PHKB: variants seen among roughly 807,000 people sequenced by gnomAD.
PHKB encodes phosphorylase kinase regulatory subunit beta, also known as phosphorylase b kinase regulatory subunit beta.
PHKB carries 122 observed loss-of-function variants against 152.1 expected under a neutral mutation model. That is an observed-to-expected ratio of 0.80 (90% CI 0.69 to 0.93). The LOEUF is 0.93. PHKB is among the 40% of genes least tolerant of loss of function. The pLI, the probability that PHKB is intolerant of heterozygous loss-of-function variation, is 0.00. For synonymous variants in PHKB, 436 were observed against 464.9 expected (o/e 0.94, Z 0.80); for missense variants, 1,304 against 1,328.4 (o/e 0.98, Z 0.29).
chr16:47,580,539 G>A (rs1971825148), intron 8 of PHKB, among the ~76,000 whole-genome samples, 181 bp downstream of exon 8: 1 of 138,164 alleles, frequency 7.2e-6, no homozygotes. Flanking sequence ...TCTAACTAAA[G>A]ACCATTGCTT....
In PHKB at chr16:47,677,138, T is replaced by C. The variant is rs141890017; in HGVS notation, c.2630+7721T>C. 8.9e-4 allele frequency among the ~76,000 whole-genome samples: 136 copies of C among 152,324 alleles called. 1 individual carries two copies. The highest frequency in any genetic ancestry group is 1.5e-3 in the Non-Finnish European group (100 of 68,020). On this transcript the variant is annotated intron_variant, in intron 26 of 30. Transcript: ENST00000323584. The stretch of plus-strand genomic sequence containing the variant: ...AGCACCAAGTTCATTAGCACGGTTC[T>C]GATACTCATTCTGAGGTCTTTGCTT...
chr16:47,473,220 T>TTTTTTC, intron 1 of PHKB, among the ~76,000 whole-genome samples: 3 of 92,378 alleles, frequency 3.2e-5, no homozygotes, highest in African/African-American at 1.3e-4. Context: ...CCTGGCTAAT[T>TTTTTTC]TTTTTTTTTT....
At chr16:47,646,544 A>C (rs1973128177) in intron 16 of PHKB, among the ~76,000 whole-genome samples, 1 of 144,538 alleles carries the variant, frequency 6.9e-6, no homozygotes, top group East Asian at 2.0e-4. Flanking sequence ...AAAAAAAAAA[A>C]CATTAAAAAT....
At chr16:47,642,611 C>T (rs1973044506) in intron 16 of PHKB, among the ~76,000 whole-genome samples, 1 of 152,132 alleles carries the variant, frequency 6.6e-6, no homozygotes, top group Admixed American at 6.5e-5. Flanking sequence ...TAGTCAAAGT[C>T]TTGTTGCTAT....
intron 7 of PHKB, among the ~76,000 whole-genome samples, chr16:47,579,579 CTG>C (rs1971807790): frequency 6.6e-6 from 1 of 151,996 alleles, no homozygotes; most frequent in Non-Finnish European, 1.5e-5. Flanking sequence ...AATAATTAAA[CTG>C]AGTATTAGAT....
At chr16:47,512,290 T>A (rs1386753950) in intron 5 of PHKB, among the ~76,000 whole-genome samples, 1 of 152,202 alleles carries the variant, frequency 6.6e-6, no homozygotes, top group East Asian at 1.9e-4. Flanking sequence ...CTGAGTTAGT[T>A]GTGGCAATTG....
intron 13 of PHKB, among the ~76,000 whole-genome samples, chr16:47,606,162 A>G (rs1472067580): frequency 6.6e-6 from 1 of 152,224 alleles, no homozygotes; most frequent in Non-Finnish European, 1.5e-5. Flanking sequence ...TGTTAATACT[A>G]CTTTAATTAT....
intron 13 of PHKB, chr16:47,597,991 A>C (rs1001398542): frequency 5.3e-5 from 8 of 152,142 alleles, no homozygotes; most frequent in African/African-American, 1.9e-4. Context: ...AAGGTTTTCA[A>C]ATATAATATA....
At chr16:47,611,669 A>AACAC (rs764761481) in intron 14 of PHKB, among the ~76,000 whole-genome samples, 5 of 150,480 alleles carry the variant, frequency 3.3e-5, no homozygotes, top group South Asian at 2.1e-4. Flanking sequence ...TATACACACA[A>AACAC]ACACACACAC....
At chr16:47,497,925 G>A (rs954244184) in intron 2 of PHKB, among the ~76,000 whole-genome samples, 3 of 152,084 alleles carry the variant, frequency 2.0e-5, no homozygotes, top group African/African-American at 4.8e-5. Context: ...ATATCAGGGC[G>A]CTTGTGTTTT....
chr16:47,592,104 G>A (rs1267001205), intron 10 of PHKB, among the ~76,000 whole-genome samples: 2 of 152,122 alleles, frequency 1.3e-5, no homozygotes, highest in Non-Finnish European at 2.9e-5. Flanking sequence ...GAATTATTTG[G>A]CCACAATGTC....
chr16:47,566,186 A>G (rs1567308627), intron 7 of PHKB: 21 of 704,686 alleles, frequency 3.0e-5, no homozygotes, highest in South Asian at 2.1e-4. Context: ...GGCCATCCCA[A>G]TACTCATCAC....
chr16:47,686,105 T>C (rs1973961090), intron 26 of PHKB, among the ~76,000 whole-genome samples: 1 of 152,222 alleles, frequency 6.6e-6, no homozygotes, highest in Non-Finnish European at 1.5e-5. Context: ...AAAAACCTGC[T>C]TCCTTTCATG....
chr16:47,464,829 C>T (rs965290626), intron 1 of PHKB, among the ~76,000 whole-genome samples: 4 of 152,122 alleles, frequency 2.6e-5, no homozygotes, highest in African/African-American at 9.7e-5. Flanking sequence ...CTAGAAAACT[C>T]GGAGAAGCCT....
At chr16:47,688,470 A>G (rs1974003208) in intron 26 of PHKB, among the ~76,000 whole-genome samples, 1 of 152,238 alleles carries the variant, frequency 6.6e-6, no homozygotes, top group Non-Finnish European at 1.5e-5. Context: ...TACATCTTTA[A>G]TGTACAACTA....
intron 10 of PHKB, among the ~76,000 whole-genome samples, chr16:47,591,415 G>A (rs964934513): frequency 1.3e-5 from 2 of 152,070 alleles, no homozygotes; most frequent in East Asian, 3.9e-4. Context: ...TTACTGAGTC[G>A]GAGTGGATGC....
chr16:47,559,453 A>C (rs1425574684), intron 7 of PHKB, among the ~76,000 whole-genome samples: 8 of 152,182 alleles, frequency 5.3e-5, no homozygotes, highest in Non-Finnish European at 1.2e-4. Context: ...ATTATTATTT[A>C]TTATTAAGAT....
At chr16:47,617,059 C>T (rs879147368) in intron 14 of PHKB, among the ~76,000 whole-genome samples, 13 of 151,768 alleles carry the variant, frequency 8.6e-5, no homozygotes, top group South Asian at 2.1e-4. Context: ...CCAGTGTGGG[C>T]GTCAAGGCCA....
chr16:47,656,740 C>T (rs2151734907), intron 20 of PHKB, among the ~76,000 whole-genome samples: 1 of 152,128 alleles, frequency 6.6e-6, no homozygotes, highest in South Asian at 2.1e-4. Flanking sequence ...ATGAAAATGG[C>T]ATCTATATGC....
Sources: allele counts gnomAD v4.1 joint callset (sites outside exome capture counted in the v4.1 genomes callset), GRCh38; gene constraint gnomAD v4.1.1; transcripts MANE v1.5; gene names NCBI Gene and HGNC (gene_info 2026-07-23, HGNC 2026-07-21).